Variants in FOXP2 observed in about 807,000 individuals in gnomAD.
The protein encoded by FOXP2 is forkhead box protein P2.
In FOXP2, 12 loss-of-function variants were observed where a neutral mutation model predicts 115.8. The ratio of observed to expected loss-of-function variants is 0.10; its 90% confidence interval spans 0.07 to 0.17. FOXP2 has a LOEUF of 0.17. Ranked by LOEUF, FOXP2 falls within the 10% of genes least tolerant of loss-of-function variation. The pLI, the probability that FOXP2 is intolerant of heterozygous loss-of-function variation, is 1.00. For missense variants in FOXP2, 629 were observed against 843.5 expected (o/e 0.75, Z 3.15); for synonymous variants, 328 against 297.7 (o/e 1.10, Z -1.05).
intron 13 of FOXP2, 45 bp downstream of exon 13, chr7:114,659,718 T>C (rs2129341059): frequency 7.1e-7 from 1 of 1,415,718 alleles, no homozygotes; most frequent in African/African-American, 1.4e-5. Context: ...CACAGTTCCT[T>C]ACAGATAGCA....
intron 2 of FOXP2, among the ~76,000 whole-genome samples, chr7:114,524,744 T>C (rs1458708024): frequency 6.6e-6 from 1 of 152,190 alleles, no homozygotes; most frequent in Non-Finnish European, 1.5e-5. Flanking sequence ...CTTTTTGTAA[T>C]ACCTTTTAAT....
At chr7:114,103,659 T>C (rs1791043040) in intron 1 of FOXP2, among the ~76,000 whole-genome samples, 1 of 152,066 alleles carries the variant, frequency 6.6e-6, no homozygotes, top group South Asian at 2.1e-4. Flanking sequence ...AGCTAATGGA[T>C]TGTTTAACTA....
Position 114,319,986 on chromosome 7 carries a change from A to G in FOXP2, c.-11+31877A>G, listed in dbSNP as rs538921575. On this transcript the variant is annotated intron_variant, in intron 2 of 17. Transcript: ENST00000634411. ...CCTGGGAAATCTACTCATTGTTTCC[A>G]TCACTGATGCGGATTTCAGATTTGG... Among the ~76,000 whole-genome samples, 4 of 152,312 alleles carry G rather than the reference A, an allele frequency of 2.6e-5. No individual in the cohort carries two copies. The South Asian group carries it at 8.3e-4, about 32-fold the overall frequency.
intron 1 of FOXP2, among the ~76,000 whole-genome samples, chr7:114,283,016 C>T (rs551184232): frequency 7.9e-5 from 12 of 152,108 alleles, no homozygotes; most frequent in East Asian, 3.9e-4. Context: ...TTTAAAATTC[C>T]GTTAGCATAC....
At chr7:114,420,581 T>G (rs559520182) in intron 1 of FOXP2, among the ~76,000 whole-genome samples, 1 of 152,034 alleles carries the variant, frequency 6.6e-6, no homozygotes, top group Admixed American at 6.6e-5. Context: ...GGTAACATTC[T>G]TTAGTTTTTA....
At chr7:114,205,745 C>T (rs1483653825) in intron 1 of FOXP2, among the ~76,000 whole-genome samples, 4 of 152,158 alleles carry the variant, frequency 2.6e-5, no homozygotes, top group African/African-American at 9.7e-5. Flanking sequence ...CTCATGGGAG[C>T]TCTGAAGCAA....
intron 1 of FOXP2, among the ~76,000 whole-genome samples, chr7:114,136,518 A>C (rs563414344): frequency 2.1e-4 from 32 of 152,106 alleles, no homozygotes; most frequent in African/African-American, 7.2e-4. Flanking sequence ...GTTTGTAATA[A>C]AAGTTTTATT....
chr7:114,506,724 T>G (rs1797834870), intron 2 of FOXP2, among the ~76,000 whole-genome samples: 1 of 151,788 alleles, frequency 6.6e-6, no homozygotes, highest in Non-Finnish European at 1.5e-5. Flanking sequence ...TAAATGTATA[T>G]AATATTGTTT....
At chr7:114,248,394 G>T (rs920846944) in intron 1 of FOXP2, among the ~76,000 whole-genome samples, 1 of 152,082 alleles carries the variant, frequency 6.6e-6, no homozygotes, top group Admixed American at 6.6e-5. Flanking sequence ...CCAAGTATCT[G>T]GGCACCTCAT....
intron 2 of FOXP2, among the ~76,000 whole-genome samples, chr7:114,455,063 T>A (rs1795248743): frequency 6.6e-6 from 1 of 152,132 alleles, no homozygotes; most frequent in Non-Finnish European, 1.5e-5. Context: ...CTAATCCTAC[T>A]TTTTTGCCAG....
At chr7:114,588,677 T>C (rs1397960710) in intron 3 of FOXP2, among the ~76,000 whole-genome samples, 1 of 152,164 alleles carries the variant, frequency 6.6e-6, no homozygotes, top group Non-Finnish European at 1.5e-5. Flanking sequence ...GCATATTGAA[T>C]ATATACTGGT....
chr7:114,481,382 A>G (rs1250663385), intron 2 of FOXP2, among the ~76,000 whole-genome samples: 2 of 151,406 alleles, frequency 1.3e-5, no homozygotes, highest in African/African-American at 2.4e-5. Flanking sequence ...AAACCTAGCC[A>G]GTCCTGAGAA....
chr7:114,301,967 G>A (rs921438601), intron 2 of FOXP2, among the ~76,000 whole-genome samples: 4 of 152,104 alleles, frequency 2.6e-5, no homozygotes, highest in African/African-American at 2.4e-5. Flanking sequence ...GACAACATTT[G>A]ACAAGCTCAG....
intron 2 of FOXP2, among the ~76,000 whole-genome samples, chr7:114,484,067 C>A (rs1045515847): frequency 6.6e-6 from 1 of 151,718 alleles, no homozygotes; most frequent in Non-Finnish European, 1.5e-5. Context: ...TCAGAATTCC[C>A]TATAATATAA....
At chr7:114,532,634 C>T (rs192006967) in intron 2 of FOXP2, among the ~76,000 whole-genome samples, 5 of 151,858 alleles carry the variant, frequency 3.3e-5, no homozygotes, top group Admixed American at 3.3e-4. Flanking sequence ...AGCTTTTAGT[C>T]CTTGTCATTC....
At chr7:114,372,213 A>G (rs1792025523) in intron 2 of FOXP2, among the ~76,000 whole-genome samples, 1 of 152,192 alleles carries the variant, frequency 6.6e-6, no homozygotes, top group Non-Finnish European at 1.5e-5. Flanking sequence ...CTGTTCTCCA[A>G]TCTTATGAAC....
intron 3 of FOXP2, among the ~76,000 whole-genome samples, chr7:114,598,217 C>T (rs925772721): frequency 1.3e-5 from 2 of 152,084 alleles, no homozygotes; most frequent in African/African-American, 2.4e-5. Flanking sequence ...CAAGGACAGG[C>T]AAACCAATCC....
intron 2 of FOXP2, among the ~76,000 whole-genome samples, chr7:114,289,674 G>T (rs1796546230): frequency 6.6e-6 from 1 of 151,866 alleles, no homozygotes; most frequent in Non-Finnish European, 1.5e-5. Flanking sequence ...TCCTAGAAGA[G>T]AATATAATTG....
chr7:114,128,974 C>G (rs987864525), intron 1 of FOXP2, among the ~76,000 whole-genome samples: 3 of 152,134 alleles, frequency 2.0e-5, no homozygotes, highest in Non-Finnish European at 4.4e-5. Context: ...AAAAAACACT[C>G]TCTGTGCTTC....
Sources: allele counts gnomAD v4.1 joint callset (sites outside exome capture counted in the v4.1 genomes callset), GRCh38; gene constraint gnomAD v4.1.1; transcripts MANE v1.5; gene names NCBI Gene and HGNC (gene_info 2026-07-23, HGNC 2026-07-21).